Variants in RIN2 observed in about 807,000 individuals in gnomAD.
RIN2 encodes the protein Ras and Rab interactor 2, also known as RAB5 interacting protein 2.
RIN2 carries 36 observed loss-of-function variants against 78.0 expected under a neutral mutation model. The ratio of observed to expected loss-of-function variants is 0.46; its 90% CI spans 0.35 to 0.61. The LOEUF (loss-of-function observed/expected upper bound fraction) is 0.61. Among genes scored for constraint, RIN2 ranks in the 20% least tolerant of loss-of-function variants. RIN2 has a pLI of 0.00. For synonymous variants in RIN2, 466 were observed against 466.8 expected, an observed-to-expected ratio of 1.00 and a Z score of 0.02; for missense variants, 1,087 against 1,159.7, an observed-to-expected ratio of 0.94 and a Z score of 0.91.
intron 2 of RIN2, among the ~76,000 whole-genome samples, chr20:19,817,838 C>T (rs968214837): frequency 6.6e-6 from 1 of 152,214 alleles, no homozygotes; most frequent in African/African-American, 2.4e-5. Flanking sequence ...CACTCCATCA[C>T]TATTGAATAT....
At chr20:19,774,340 G>A (rs1188227745) in intron 1 of RIN2, among the ~76,000 whole-genome samples, 1 of 152,172 alleles carries the variant, frequency 6.6e-6, no homozygotes, top group African/African-American at 2.4e-5. Flanking sequence ...TCTGATTTAT[G>A]TCTCCAAAGG....
Position 20,000,607 on chromosome 20 carries a change from C to T in RIN2, c.2365-6C>T. 1 of 1,585,626 alleles carries T rather than the reference C, an allele frequency of 6.3e-7. No individual in the cohort carries two copies. ...GACTGTCTCAACATTCCTCTTCCAC[C>T]TGCAGAATTACCTCCGAGTTGCATT... On this transcript the variant is annotated splice_polypyrimidine_tract_variant and splice_region_variant and intron_variant, in intron 12 of 12. Transcript: ENST00000255006.
chr20:19,868,265 C>T (rs1369827850), intron 2 of RIN2, among the ~76,000 whole-genome samples: 1 of 152,244 alleles, frequency 6.6e-6, no homozygotes, highest in Non-Finnish European at 1.5e-5. Context: ...GGGGCAGCAG[C>T]GTCTCGGAGA....
rs117335791 is a variant in RIN2 at position 19,959,289 on chromosome 20, C to T, written c.352-1411C>T. Among the ~76,000 whole-genome samples the T allele has an allele frequency of 8.4e-4, 127 of 151,118 alleles. 4 individuals are homozygous for T. In the East Asian group the frequency reaches 0.024, roughly 29 times the overall value. On this transcript the variant is annotated intron_variant, in intron 5 of 12. Coordinates refer to ENST00000255006, the MANE Select transcript of RIN2 (RefSeq NM_018993.4). ...AAAAATAAGGCCTAGAGGTTGCACT[C>T]CCCAACCCCAAGGCTCAGGGAGATC... is the stretch of plus-strand genomic sequence containing the variant.
chr20:19,861,479 G>A (rs563581999), intron 2 of RIN2, among the ~76,000 whole-genome samples: 1 of 152,130 alleles, frequency 6.6e-6, no homozygotes, highest in Non-Finnish European at 1.5e-5. Flanking sequence ...AGTAGGTTGA[G>A]CAAGAACGCC....
chr20:19,979,568 G>A (rs933658783), intron 9 of RIN2, among the ~76,000 whole-genome samples: 3 of 152,028 alleles, frequency 2.0e-5, no homozygotes, highest in African/African-American at 4.8e-5. Flanking sequence ...AATGATTCCC[G>A]GGGAGTTAAA....
chr20:20,001,362 C>CTTTTTTTTTTTTTTTTTTTTTTTT lies in RIN2; in HGVS notation c.*429_*452dup, dbSNP rs57852545. On this transcript the variant is annotated 3_prime_UTR_variant, in exon 13 of 13. Transcript: ENST00000255006. ...CCCTGCCTTCCTTCCTTTCTTTTTCCTTTTTTTTTTTTTTTTTTTTTTTTT... is the reference window on the plus strand; with the variant it reads ...CCCTGCCTTCCTTCCTTTCTTTTTCCTTTTTTTTTTTTTTTTTTTTTTTTTTTTTTTTTTTTTTTTTTTTTTTTT... The CTTTTTTTTTTTTTTTTTTTTTTTT allele has an allele frequency of 1.3e-4, 12 of 94,232 alleles. 2 individuals are homozygous for CTTTTTTTTTTTTTTTTTTTTTTTT. The East Asian group carries it at 1.6e-3, about 12-fold the overall frequency. 5.8% of individuals were successfully genotyped at this position (94,232 alleles called of 1,614,324 possible).
intron 9 of RIN2, among the ~76,000 whole-genome samples, chr20:19,988,662 GAAA>G: frequency 6.6e-6 from 1 of 152,268 alleles, no homozygotes; most frequent in South Asian, 2.1e-4. Flanking sequence ...TATTAGCCAA[GAAA>G]GCTACTCCAC....
chr20:19,806,624 T>C (rs34706440), intron 2 of RIN2, among the ~76,000 whole-genome samples: 16,482 of 152,214 alleles, frequency 0.11, 966 homozygotes, highest in South Asian at 0.19. Context: ...GAGCTGGGTG[T>C]GATGGCTCAC....
intron 4 of RIN2, among the ~76,000 whole-genome samples, chr20:19,953,642 G>A: frequency 6.6e-6 from 1 of 152,094 alleles, no homozygotes; most frequent in Admixed American, 6.5e-5. Flanking sequence ...GATTCACCAT[G>A]TTGGCCAGGC....
At chr20:19,759,857 T>C (rs2033562933) in intron 1 of RIN2, among the ~76,000 whole-genome samples, 1 of 151,974 alleles carries the variant, frequency 6.6e-6, no homozygotes, top group Non-Finnish European at 1.5e-5. Context: ...AGTGAAACTC[T>C]GTCTAAAAAA....
intron 6 of RIN2, among the ~76,000 whole-genome samples, chr20:19,962,825 C>T (rs1473814834): frequency 1.3e-5 from 2 of 152,122 alleles, no homozygotes; most frequent in Admixed American, 6.5e-5. Flanking sequence ...GGTGTGGTGG[C>T]GCAAGCCTGT....
At chr20:19,833,753 C>G (rs35807728) in intron 2 of RIN2, among the ~76,000 whole-genome samples, 1 of 152,186 alleles carries the variant, frequency 6.6e-6, no homozygotes, top group African/African-American at 2.4e-5. Context: ...GCCTCCCTCC[C>G]CAGGAGATTC....
rs73605551 is a variant in RIN2 at position 19,943,929 on chromosome 20, G to T, written c.158+8730G>T. On this transcript the variant is annotated intron_variant, in intron 4 of 12. Transcript: ENST00000255006. The stretch of plus-strand genomic sequence containing the variant: ...GGATTGGGGTTTCCCTTCTTCTCCA[G>T]ACTAATAGAATATTACAGAGACATG... Among the ~76,000 whole-genome samples, 1,998 of 142,612 alleles carry T rather than the reference G, an allele frequency of 0.014. 100 individuals are homozygous for T. In the East Asian group the frequency reaches 0.19, roughly 13 times the overall value. The allele number at this position is 142,612 out of a possible 152,430, so 93.6% of individuals were successfully genotyped here.
chr20:19,858,846 G>A (rs944480997), intron 2 of RIN2, among the ~76,000 whole-genome samples: 1 of 152,180 alleles, frequency 6.6e-6, no homozygotes, highest in Non-Finnish European at 1.5e-5. Flanking sequence ...ACCCTGGCAG[G>A]GCCTGAACTG....
rs1037239557 is a variant in RIN2, at chr20:19,833,770, A to G, written c.-37+34023A>G. 5.9e-5 allele frequency among the ~76,000 whole-genome samples: 9 copies of G among 152,256 alleles called. No individual in the cohort carries two copies. In the East Asian group the frequency reaches 1.2e-3, roughly 20 times the overall value. On this transcript the variant is annotated intron_variant, in intron 2 of 12. Coordinates refer to ENST00000255006, the MANE Select transcript of RIN2 (RefSeq NM_018993.4). The stretch of plus-strand genomic sequence containing the variant: ...CTCCCTCCCCAGGAGATTCTCCCCT[A>G]TGAGATGCAAGGCAGCCCACAGCCC...
chr20:19,905,328 G>A (rs1201388608), intron 3 of RIN2, among the ~76,000 whole-genome samples: 3 of 152,184 alleles, frequency 2.0e-5, no homozygotes, highest in East Asian at 1.9e-4. Context: ...CCTGACATAT[G>A]TGGAGTGGAC....
rs1233053388 is a variant in RIN2 at position 19,975,499 on chromosome 20, CTCG to C, written c.1477_1479del (p.Val493del). On this transcript the variant is annotated inframe_deletion, in exon 9 of 13. Transcript: ENST00000255006. The surrounding 1 kb of genome is among the most constrained non-coding windows in gnomAD (Gnocchi z 4.9). Reference sequence around the variant, plus strand: ...GAGCAGCTCCTTCGTGCTGCCCAAGCTCGTCAAGTCCCAGCTGCAGAAGGTGAG... The same window carrying C: ...GAGCAGCTCCTTCGTGCTGCCCAAGCTCAAGTCCCAGCTGCAGAAGGTGAG... 1 of 1,613,934 alleles carries C rather than the reference CTCG, an allele frequency of 6.2e-7. No individual in the cohort carries two copies. Among genetic ancestry groups the C allele is most frequent in the Non-Finnish European group, 8.5e-7 (1 of 1,179,904 alleles).
At chr20:19,766,116 C>T (rs2033874735) in intron 1 of RIN2, among the ~76,000 whole-genome samples, 1 of 152,146 alleles carries the variant, frequency 6.6e-6, no homozygotes, top group South Asian at 2.1e-4. Context: ...GGAGGCTGCT[C>T]CTGGCCATCT....
Sources: gnomAD v4.1 joint callset for allele counts (sites outside exome capture counted in the v4.1 genomes callset) on GRCh38, gnomAD v4.1.1 for gene constraint, Gnocchi (gnomAD v3.1) non-coding constraint, MANE v1.5 for transcripts, NCBI Gene and HGNC (gene_info 2026-07-23, HGNC 2026-07-21) for gene names.